ASAP1: variants seen among roughly 807,000 people sequenced by gnomAD.
ASAP1 encodes the protein ArfGAP with SH3 domain, ankyrin repeat and PH domain 1.
ASAP1 carries 43 observed loss-of-function variants against 145.2 expected under a neutral mutation model. That is an observed-to-expected ratio of 0.30 (90% CI 0.23 to 0.38). The LOEUF is 0.38. Among genes scored for constraint, ASAP1 ranks in the 10% least tolerant of loss-of-function variants. ASAP1 has a pLI of 1.00. For synonymous variants in ASAP1, 546 were observed against 515.5 expected, an observed-to-expected ratio of 1.06 and a Z score of -0.80; for missense variants, 1,018 against 1,355.3, an observed-to-expected ratio of 0.75 and a Z score of 3.91.
At position 130,127,989 on chromosome 8, in the gene ASAP1, G is replaced by A; in HGVS notation, c.1319C>T (p.Ala440Val). Reference sequence around the variant, plus strand: ...GAGCCGCTGGACATCCTCAATAATGGCTTTTGTCAGGTCTTCCAGGCTGTT... The same window carrying A: ...GAGCCGCTGGACATCCTCAATAATGACTTTTGTCAGGTCTTCCAGGCTGTT... The part of the protein sequence containing the change: ...GENSLEDLTK[A>V]IIEDVQRLPG... The change falls in exon 16 of 30, where the codon GCC (alanine) becomes GTC (valine). Residue 440 changes from alanine to valine, a missense_variant. Around this residue, in one of 9 missense-constraint regions of ASAP1, gnomAD observed 153 missense variants for 221.6 expected, o/e 0.69. Coordinates refer to ENST00000518721, the MANE Select transcript of ASAP1 (RefSeq NM_018482.4). 1.9e-6 allele frequency: 3 copies of A among 1,614,006 alleles called. No homozygotes were observed. Among genetic ancestry groups the A allele is most frequent in the Non-Finnish European group, 2.5e-6 (3 of 1,179,980 alleles).
At chr8:130,323,464 T>C (rs753484297) in intron 3 of ASAP1, among the ~76,000 whole-genome samples, 5 of 152,124 alleles carry the variant, frequency 3.3e-5, no homozygotes, top group Non-Finnish European at 4.4e-5. Flanking sequence ...ATCAGACAAA[T>C]ATAAGTAATT....
At chr8:130,069,905 G>A (rs370874044) in intron 27 of ASAP1, among the ~76,000 whole-genome samples, 7 of 152,332 alleles carry the variant, frequency 4.6e-5, no homozygotes, top group Admixed American at 2.0e-4. Context: ...AAGACCCAAA[G>A]CTTTTTGCGC....
chr8:130,112,501 C>A (rs2097548539), intron 23 of ASAP1, 179 bp from the exon 24 acceptor site: 3 of 570,648 alleles, frequency 5.3e-6, no homozygotes, highest in Admixed American at 6.3e-5. Context: ...ATCTAGATAC[C>A]ACACTTTCAT....
intron 3 of ASAP1, among the ~76,000 whole-genome samples, chr8:130,303,532 T>C (rs1365575120): frequency 1.3e-5 from 2 of 152,106 alleles, no homozygotes; most frequent in African/African-American, 2.4e-5. Flanking sequence ...CCTGAAAGGA[T>C]AAACAAACTG....
At chr8:130,151,472 G>A (rs1350388282) in intron 13 of ASAP1, among the ~76,000 whole-genome samples, 1 of 143,492 alleles carries the variant, frequency 7.0e-6, no homozygotes, top group Non-Finnish European at 1.5e-5. Flanking sequence ...ACAGATCCAA[G>A]TCTGTAGACA....
intron 7 of ASAP1, among the ~76,000 whole-genome samples, chr8:130,182,956 T>C (rs576894903): frequency 6.8e-6 from 1 of 146,412 alleles, no homozygotes; most frequent in African/African-American, 2.5e-5. Context: ...TAAAATATAA[T>C]ATAAATAGAA....
intron 3 of ASAP1, among the ~76,000 whole-genome samples, chr8:130,283,590 A>AG (rs1364987022): frequency 1.0e-4 from 1 of 9,578 alleles, no homozygotes; most frequent in Non-Finnish European, 2.1e-4. Context: ...ACAGAAAGAA[A>AG]AAAAAAAAAA....
intron 9 of ASAP1, among the ~76,000 whole-genome samples, chr8:130,175,050 T>C (rs1813857788): frequency 6.6e-6 from 1 of 152,244 alleles, no homozygotes. Context: ...TTTACATTCC[T>C]ACTGGCAATG....
chr8:130,224,613 GA>G (rs1410168833), intron 4 of ASAP1, among the ~76,000 whole-genome samples: 1 of 151,874 alleles, frequency 6.6e-6, no homozygotes, highest in Non-Finnish European at 1.5e-5. Flanking sequence ...AAATAAATGG[GA>G]TATTACATAC....
At chr8:130,294,418 G>A (rs997552973) in intron 3 of ASAP1, among the ~76,000 whole-genome samples, 1 of 152,204 alleles carries the variant, frequency 6.6e-6, no homozygotes, top group African/African-American at 2.4e-5. Context: ...ATACAGGTGA[G>A]AAGTGTGATA....
intron 3 of ASAP1, among the ~76,000 whole-genome samples, chr8:130,271,396 ATTTG>A (rs1212841085): frequency 6.6e-6 from 1 of 152,186 alleles, no homozygotes; most frequent in Admixed American, 6.5e-5. Context: ...GTTCCAAGGA[ATTTG>A]TTTTTCTTTA....
intron 27 of ASAP1, among the ~76,000 whole-genome samples, chr8:130,066,776 C>T (rs759937331): frequency 6.6e-6 from 1 of 152,158 alleles, no homozygotes; most frequent in Non-Finnish European, 1.5e-5. Context: ...CAGAGAACTT[C>T]CGTAAATTCA....
chr8:130,138,401 TTTAGGAA>T (rs1345055446), intron 13 of ASAP1, among the ~76,000 whole-genome samples: 2 of 152,154 alleles, frequency 1.3e-5, no homozygotes, highest in African/African-American at 4.8e-5. Flanking sequence ...GTACCTTTGA[TTTAGGAA>T]TGGAACCAGA....
At chr8:130,103,414 C>T (rs564884055) in intron 24 of ASAP1, among the ~76,000 whole-genome samples, 14 of 152,082 alleles carry the variant, frequency 9.2e-5, no homozygotes, top group East Asian at 1.9e-4. Context: ...CTGCTCTGAT[C>T]TTTTTTCTTT....
chr8:130,086,093 T>C (rs2097492317), intron 25 of ASAP1, among the ~76,000 whole-genome samples: 1 of 152,198 alleles, frequency 6.6e-6, no homozygotes, highest in Non-Finnish European at 1.5e-5. Context: ...GCTAAGTTGA[T>C]CGCCTTCTCC....
chr8:130,392,676 C>T (rs989237469), intron 2 of ASAP1, among the ~76,000 whole-genome samples: 4 of 152,092 alleles, frequency 2.6e-5, no homozygotes, highest in Non-Finnish European at 5.9e-5. Context: ...TTATTTGGCT[C>T]TTGGTTCTGC....
At chr8:130,333,606 A>G (rs1056911161) in intron 3 of ASAP1, among the ~76,000 whole-genome samples, 2 of 152,196 alleles carry the variant, frequency 1.3e-5, no homozygotes, top group African/African-American at 4.8e-5. Flanking sequence ...CTCCGTCTCA[A>G]AAACAAAACA....
intron 3 of ASAP1, among the ~76,000 whole-genome samples, chr8:130,307,995 CAT>C (rs1823099564): frequency 6.6e-6 from 1 of 152,252 alleles, no homozygotes; most frequent in African/African-American, 2.4e-5. Context: ...CATTTCCTGA[CAT>C]AGAATTAATT....
At chr8:130,424,886 G>C (rs1009470066) in intron 1 of ASAP1, among the ~76,000 whole-genome samples, 2 of 152,004 alleles carry the variant, frequency 1.3e-5, no homozygotes, top group Non-Finnish European at 2.9e-5. Context: ...CCAGCTACTC[G>C]GGAGGCTGAG....
Sources: gnomAD v4.1 joint callset for allele counts (sites outside exome capture counted in the v4.1 genomes callset) on GRCh38, gnomAD v4.1.1 for gene constraint, gnomAD v4.1.1 regional missense constraint, MANE v1.5 for transcripts, NCBI Gene and HGNC (gene_info 2026-07-23, HGNC 2026-07-21) for gene names.